ZC3H3: variants seen among roughly 807,000 people sequenced by gnomAD.
ZC3H3 encodes zinc finger CCCH-type containing 3, also known as zinc finger CCCH domain-containing protein 3.
Under a neutral mutation model 77.3 loss-of-function variants are expected in ZC3H3, and 36 were observed. The ratio of observed to expected loss-of-function variants is 0.47; its 90% CI spans 0.36 to 0.61. The LOEUF (loss-of-function observed/expected upper bound fraction) is 0.61. Ranked by LOEUF, ZC3H3 falls within the 20% of genes least tolerant of loss-of-function variation. The pLI is 0.00. For synonymous variants in ZC3H3, 626 were observed against 555.2 expected, an observed-to-expected ratio of 1.13 and a Z score of -1.79; for missense variants, 1,331 against 1,312.2, an observed-to-expected ratio of 1.01 and a Z score of -0.22.
intron 5 of ZC3H3, among the ~76,000 whole-genome samples, chr8:143,475,086 G>T (rs1820694743): frequency 6.6e-6 from 1 of 152,264 alleles, no homozygotes; most frequent in Admixed American, 6.5e-5. Context: ...CTGGGGGATG[G>T]CAGAGGAAGG....
Position 143,538,580 on chromosome 8 carries a change from T to G in ZC3H3, c.787A>C (p.Arg263=). 6.2e-7 allele frequency: 1 copy of G among 1,610,824 alleles called. No individual in the cohort carries two copies. The highest frequency in any genetic ancestry group is 8.5e-7 in the Non-Finnish European group (1 of 1,179,986). ...TCTGTGTGGCCAGCATCTACTCTCCTGTCCCCAAGGAGCTGTGGAGCACAG... is the reference window on the plus strand; with the variant it reads ...TCTGTGTGGCCAGCATCTACTCTCCGGTCCCCAAGGAGCTGTGGAGCACAG... ...ASCAPQLLGD[R]RVDAGHTDQP... The change falls in exon 2 of 12, where the codon AGG becomes CGG. Residue 263 remains arginine (R), a synonymous_variant. Coordinates refer to ENST00000262577, the MANE Select transcript of ZC3H3 (RefSeq NM_015117.3).
chr8:143,439,337 T>C (rs1819664609), intron 11 of ZC3H3, among the ~76,000 whole-genome samples: 2 of 152,172 alleles, frequency 1.3e-5, no homozygotes, highest in South Asian at 2.1e-4. Context: ...GCATCTTCCA[T>C]TAACGTTACG....
At chr8:143,455,503 CT>C (rs1820093237) in intron 9 of ZC3H3, among the ~76,000 whole-genome samples, 1 of 151,700 alleles carries the variant, frequency 6.6e-6, no homozygotes, top group Admixed American at 6.6e-5. Context: ...TCTGCCCCCC[CT>C]CCCCAAAATA....
At position 143,530,494 on chromosome 8, in the gene ZC3H3, C is replaced by A. The variant is rs1324244889; in HGVS notation, c.1561+5763G>T. ...GTAGGAATCCCATCACCTCCCGCCA[C>A]CAAGAAGCTCCCCAGCCTGGGCACA... is the stretch of plus-strand genomic sequence containing the variant. On this transcript the variant is annotated intron_variant, in intron 3 of 11. Transcript: ENST00000262577. This position sits in a 1 kb window ranked among gnomAD's most constrained non-coding sequence, Gnocchi z 4.3. Among the ~76,000 whole-genome samples, 4 of 152,158 alleles carry A rather than the reference C, an allele frequency of 2.6e-5. No homozygotes were observed. Among genetic ancestry groups the A allele is most frequent in the Non-Finnish European group, 4.4e-5 (3 of 68,014 alleles).
intron 4 of ZC3H3, among the ~76,000 whole-genome samples, chr8:143,507,363 A>G (rs1821734115): frequency 6.6e-6 from 1 of 152,254 alleles, no homozygotes; most frequent in Admixed American, 6.5e-5. Context: ...CTGAAGGCCC[A>G]GCCTCTCCCA....
intron 4 of ZC3H3, among the ~76,000 whole-genome samples, chr8:143,489,671 C>G (rs4874140): frequency 0.15 from 23,412 of 152,220 alleles, 2,114 homozygotes; most frequent in Middle Eastern, 0.27. Context: ...TAATTCGGCT[C>G]CTGCTACTAT....
chr8:143,474,218 G>T (rs1484638697), intron 5 of ZC3H3, among the ~76,000 whole-genome samples: 4 of 150,982 alleles, frequency 2.6e-5, no homozygotes, highest in Non-Finnish European at 5.9e-5. Context: ...CAGTGCCCAG[G>T]AAGGGACCCA....
At chr8:143,475,727 G>A (rs2129907761) in intron 4 of ZC3H3, 142 bp from the exon 5 acceptor site, 1 of 978,854 alleles carries the variant, frequency 1.0e-6, no homozygotes, top group Non-Finnish European at 1.4e-6. Context: ...CTCCAGCTGG[G>A]TGACCACGGG....
chr8:143,515,304 GC>G (rs1276988092), intron 3 of ZC3H3, among the ~76,000 whole-genome samples: 1 of 152,234 alleles, frequency 6.6e-6, no homozygotes, highest in Non-Finnish European at 1.5e-5. Context: ...CAACGCCTCG[GC>G]CCTCCATCAT....
chr8:143,510,939 G>A (rs1377412448), intron 3 of ZC3H3, among the ~76,000 whole-genome samples: 1 of 152,198 alleles, frequency 6.6e-6, no homozygotes, highest in Non-Finnish European at 1.5e-5. Flanking sequence ...CACACACGCA[G>A]CCCTCTCTGC....
At chr8:143,444,478 A>C (rs1395312508) in intron 9 of ZC3H3, among the ~76,000 whole-genome samples, 1 of 152,258 alleles carries the variant, frequency 6.6e-6, no homozygotes, top group African/African-American at 2.4e-5. Flanking sequence ...CACAAATTAT[A>C]AACGAGAGTC....
intron 5 of ZC3H3, among the ~76,000 whole-genome samples, chr8:143,470,500 C>T (rs759561494): frequency 2.0e-4 from 30 of 152,194 alleles, no homozygotes; most frequent in Non-Finnish European, 2.4e-4. Context: ...CCAGTCCAGA[C>T]GGCACGGGCA....
chr8:143,438,173 C>G (rs995118088), intron 11 of ZC3H3, 86 bp from the exon 12 acceptor site: 27 of 1,526,752 alleles, frequency 1.8e-5, no homozygotes, highest in East Asian at 1.7e-4. Context: ...GGCTCAGGAT[C>G]GGGGGGCTCT....
intron 3 of ZC3H3, among the ~76,000 whole-genome samples, chr8:143,529,599 C>T (rs915166448): frequency 2.0e-5 from 3 of 152,156 alleles, no homozygotes; most frequent in South Asian, 2.1e-4. Context: ...GCACCACAGT[C>T]GGGGGGAGAC....
intron 3 of ZC3H3, among the ~76,000 whole-genome samples, chr8:143,516,525 T>TCACACACACA (rs57359541): frequency 3.6e-5 from 5 of 140,024 alleles, no homozygotes; most frequent in African/African-American, 5.5e-5. Flanking sequence ...AACTTTGCAA[T>TCACACACACA]CACACACACA....
At chr8:143,507,208 C>G (rs570945699) in intron 4 of ZC3H3, among the ~76,000 whole-genome samples, 5 of 152,328 alleles carry the variant, frequency 3.3e-5, no homozygotes, top group South Asian at 2.1e-4. Flanking sequence ...AAGCTGTTCC[C>G]TGCCGACAGA....
intron 4 of ZC3H3, among the ~76,000 whole-genome samples, chr8:143,485,175 C>G (rs1370831833): frequency 6.6e-6 from 1 of 152,186 alleles, no homozygotes; most frequent in Non-Finnish European, 1.5e-5. Context: ...CATGAGTCCC[C>G]CTGGTGCTGA....
chr8:143,538,911 G>T lies in ZC3H3; in HGVS notation c.456C>A (p.Thr152=). The T allele has an allele frequency of 6.2e-7, 1 of 1,613,008 alleles. No homozygotes were observed. Among genetic ancestry groups the T allele is most frequent in the Non-Finnish European group, 8.5e-7 (1 of 1,180,026 alleles). ...CCCGGGGCCTTTGGTCACTCCAGGG[G>T]GTTTCCTCAAATTCTTCCAAAGAGC... ...QRGSLEEFEE[T]PWSDQRPREG... Residue 152 remains threonine, a synonymous_variant, in exon 2 of 12, where the codon ACC becomes ACA. Coordinates refer to ENST00000262577, the MANE Select transcript of ZC3H3 (RefSeq NM_015117.3).
Position 143,541,396 on chromosome 8 carries a change from C to T in ZC3H3, c.26G>A (p.Arg9Gln). 1 of 1,611,964 alleles carries T rather than the reference C, an allele frequency of 6.2e-7. No homozygotes were observed. Among genetic ancestry groups the T allele is most frequent in the Non-Finnish European group, 8.5e-7 (1 of 1,179,496 alleles). Reference sequence around the variant, plus strand: ...CCTACCCTGCAGTAGGCGGATCTGCCGCCGTAATATCTCCTTTTCCTCCAT... The same window carrying T: ...CCTACCCTGCAGTAGGCGGATCTGCTGCCGTAATATCTCCTTTTCCTCCAT... MEEKEILR[R>Q]QIRLLQGLID... The change falls in exon 1 of 12, where the codon CGG becomes CAG. Residue 9 changes from arginine to glutamine, a missense_variant. Arg to Gln is a conservative substitution (Grantham distance 43). Around this residue, in one of 3 missense-constraint regions of ZC3H3, gnomAD observed 978 missense variants for 915.5 expected, o/e 1.07. Coordinates refer to ENST00000262577, the MANE Select transcript of ZC3H3 (RefSeq NM_015117.3).
Sources: allele counts gnomAD v4.1 joint callset (sites outside exome capture counted in the v4.1 genomes callset), GRCh38; gene constraint gnomAD v4.1.1; regional missense constraint gnomAD v4.1.1; non-coding constraint Gnocchi (gnomAD v3.1); transcripts MANE v1.5; gene names NCBI Gene and HGNC (gene_info 2026-07-23, HGNC 2026-07-21).